The following GLRB variants were observed in gnomAD, a reference collection of about 807,000 sequenced individuals.
GLRB encodes glycine receptor subunit beta.
A neutral mutation model predicts 54.2 loss-of-function variants in GLRB; 33 were observed. The observed-to-expected ratio is 0.61, with a 90% CI of 0.46 to 0.81. The LOEUF (loss-of-function observed/expected upper bound fraction) is 0.81. Among genes scored for constraint, GLRB ranks in the 40% least tolerant of loss-of-function variants. GLRB has a pLI of 0.00. For missense variants in GLRB, 572 were observed against 584.6 expected, an observed-to-expected ratio of 0.98 and a Z score of 0.22; for synonymous variants, 209 against 208.2, an observed-to-expected ratio of 1.00 and a Z score of -0.03.
chr4:157,124,842 A>G (rs1735960046), intron 4 of GLRB, among the ~76,000 whole-genome samples: 1 of 151,898 alleles, frequency 6.6e-6, no homozygotes, highest in Non-Finnish European at 1.5e-5. Flanking sequence ...TACACTCATT[A>G]AATAGATGTA....
chr4:157,123,575 A>C (rs189312266), intron 4 of GLRB, among the ~76,000 whole-genome samples: 381 of 151,930 alleles, frequency 2.5e-3, no homozygotes, highest in Non-Finnish European at 4.3e-3. Context: ...TACATCATTT[A>C]AATAACATAG....
intron 2 of GLRB, among the ~76,000 whole-genome samples, chr4:157,085,476 C>T (rs1734375461): frequency 6.6e-6 from 1 of 152,040 alleles, no homozygotes; most frequent in Non-Finnish European, 1.5e-5. Context: ...TCATTATTAT[C>T]CATCTTAACA....
intron 2 of GLRB, among the ~76,000 whole-genome samples, chr4:157,118,645 A>G (rs898726335): frequency 2.0e-5 from 3 of 151,572 alleles, no homozygotes; most frequent in South Asian, 2.1e-4. Context: ...AGGGTTGTCT[A>G]TATCAATTCA....
chr4:157,135,302 A>G (rs910967279), intron 4 of GLRB, among the ~76,000 whole-genome samples: 5 of 152,120 alleles, frequency 3.3e-5, no homozygotes, highest in African/African-American at 9.7e-5. Context: ...TCAAAGTTAC[A>G]GGGTTTTGGT....
intron 2 of GLRB, among the ~76,000 whole-genome samples, chr4:157,118,517 A>G (rs1735687681): frequency 6.6e-6 from 1 of 151,734 alleles, no homozygotes; most frequent in East Asian, 2.0e-4. Context: ...ATTGGAGCCA[A>G]TAAAGCCACA....
Position 157,170,410 on chromosome 4 carries a change from T to G in GLRB, c.1198-22T>G. 2 of 1,452,594 alleles carry G rather than the reference T, an allele frequency of 1.4e-6. 1 individual carries two copies. The highest frequency in any genetic ancestry group is 4.5e-5 in the East Asian group (2 of 44,122). The allele number at this position is 1,452,594 out of a possible 1,614,324, so 90.0% of individuals were successfully genotyped here. A position where few individuals can be genotyped will look rare whatever the true frequency, so the allele number is the denominator to read the frequency against. On this transcript the variant is annotated intron_variant, in intron 9 of 9. Transcript: ENST00000264428. ...GTAAGTAGAAAAGTTTTAAATACAT[T>G]GTCTTCAATATTTATTCTTAGGTTG...
intron 2 of GLRB, among the ~76,000 whole-genome samples, chr4:157,108,815 A>G (rs1175298699): frequency 2.0e-5 from 3 of 152,064 alleles, no homozygotes; most frequent in Non-Finnish European, 4.4e-5. Flanking sequence ...TTAAAGACAC[A>G]TCTGCCATAC....
intron 2 of GLRB, among the ~76,000 whole-genome samples, chr4:157,107,420 T>C (rs548479348): frequency 6.6e-6 from 1 of 152,122 alleles, no homozygotes; most frequent in South Asian, 2.1e-4. Flanking sequence ...TAGAAGGAAA[T>C]TAAAAGTGCC....
chr4:157,120,259 G>A (rs186903195), intron 2 of GLRB, among the ~76,000 whole-genome samples: 19,019 of 141,684 alleles, frequency 0.13, 1,594 homozygotes, highest in African/African-American at 0.2. Context: ...GGGTGGGATA[G>A]CTTTAGGAGA....
At chr4:157,090,172 T>C (rs1333415485) in intron 2 of GLRB, among the ~76,000 whole-genome samples, 1 of 152,206 alleles carries the variant, frequency 6.6e-6, no homozygotes. Flanking sequence ...CTAGAGCATG[T>C]TTAGGGACAC....
At chr4:157,111,437 A>G (rs942377589) in intron 2 of GLRB, among the ~76,000 whole-genome samples, 27 of 151,940 alleles carry the variant, frequency 1.8e-4, no homozygotes, top group African/African-American at 6.0e-4. Context: ...TGCTAGGTGT[A>G]TGGTCCAACT....
At chr4:157,101,487 G>T (rs915296985) in intron 2 of GLRB, among the ~76,000 whole-genome samples, 1 of 151,874 alleles carries the variant, frequency 6.6e-6, no homozygotes, top group Non-Finnish European at 1.5e-5. Context: ...TAACAGACAC[G>T]CAATCTCCCC....
At chr4:157,098,333 A>G (rs1734888576) in intron 2 of GLRB, among the ~76,000 whole-genome samples, 1 of 152,148 alleles carries the variant, frequency 6.6e-6, no homozygotes, top group Non-Finnish European at 1.5e-5. Context: ...GACAAATCCA[A>G]ACTTAGGTAA....
At chr4:157,138,600 T>C (rs1485257210) in intron 6 of GLRB, among the ~76,000 whole-genome samples, 30 of 152,200 alleles carry the variant, frequency 2.0e-4, no homozygotes, top group Admixed American at 2.0e-3. Flanking sequence ...TTTAAACTTG[T>C]TCTTTCTTTA....
chr4:157,152,638 G>T, intron 8 of GLRB, 80 bp from the exon 9 acceptor site: 1 of 1,095,384 alleles, frequency 9.1e-7, no homozygotes, highest in South Asian at 1.2e-5. Context: ...TACTGGAGAC[G>T]GATTTAGTCA....
At chr4:157,112,605 G>A (rs1056173127) in intron 2 of GLRB, among the ~76,000 whole-genome samples, 1 of 151,926 alleles carries the variant, frequency 6.6e-6, no homozygotes, top group African/African-American at 2.4e-5. Context: ...TTAAGAGGGA[G>A]TAACGCAGGC....
At chr4:157,113,448 G>A (rs558226519) in intron 2 of GLRB, among the ~76,000 whole-genome samples, 35 of 151,942 alleles carry the variant, frequency 2.3e-4, no homozygotes, top group African/African-American at 8.2e-4. Flanking sequence ...AGCAATATAC[G>A]GTATAAATAG....
At chr4:157,130,771 T>C (rs1191123385) in intron 4 of GLRB, among the ~76,000 whole-genome samples, 1 of 151,586 alleles carries the variant, frequency 6.6e-6, no homozygotes, top group Non-Finnish European at 1.5e-5. Flanking sequence ...TACCTAGGAT[T>C]GGAATTGCTG....
intron 2 of GLRB, among the ~76,000 whole-genome samples, chr4:157,089,400 G>A (rs1365270044): frequency 6.6e-6 from 1 of 152,054 alleles, no homozygotes; most frequent in Non-Finnish European, 1.5e-5. Flanking sequence ...GGGAGACCCT[G>A]TTTCAAAGAA....
Sources: allele counts gnomAD v4.1 joint callset (sites outside exome capture counted in the v4.1 genomes callset), GRCh38; gene constraint gnomAD v4.1.1; transcripts MANE v1.5; gene names NCBI Gene and HGNC (gene_info 2026-07-23, HGNC 2026-07-21).